AGBL4: variants seen among roughly 807,000 people sequenced by gnomAD.
The protein encoded by AGBL4 is cytosolic carboxypeptidase 6.
AGBL4 carries 58 observed loss-of-function variants against 66.4 expected under a neutral mutation model. The ratio of observed to expected loss-of-function variants is 0.87; its 90% CI spans 0.71 to 1.09. The LOEUF is 1.09. AGBL4 is among the 50% of genes least tolerant of loss of function. AGBL4 has a pLI of 0.00. For synonymous variants in AGBL4, 234 were observed against 222.9 expected (o/e 1.05, Z -0.44); for missense variants, 579 against 631.0 (o/e 0.92, Z 0.88).
chr1:49,803,962 G>C (rs914794143), intron 2 of AGBL4, among the ~76,000 whole-genome samples: 1 of 152,152 alleles, frequency 6.6e-6, no homozygotes, highest in African/African-American at 2.4e-5. Context: ...AAGATGTGTG[G>C]TTTAAATTCA....
chr1:48,587,175 G>C lies in AGBL4; in HGVS notation c.1105-9C>G, dbSNP rs1451425870. The C allele has an allele frequency of 6.5e-7, 1 of 1,549,300 alleles. No individual in the cohort carries two copies. The highest frequency in any genetic ancestry group is 8.7e-7 in the Non-Finnish European group (1 of 1,145,804). ...TTAAAGGATGTGCTGGACTGTGAAA[G>C]ACAGAGTAGGGAGGAGAGAATCACG... On this transcript the variant is annotated splice_polypyrimidine_tract_variant and intron_variant, in intron 10 of 13. Coordinates refer to ENST00000371839, the MANE Select transcript of AGBL4 (RefSeq NM_032785.4).
At chr1:48,537,274 T>C (rs1387075535) in intron 12 of AGBL4, among the ~76,000 whole-genome samples, 1 of 152,016 alleles carries the variant, frequency 6.6e-6, no homozygotes, top group Non-Finnish European at 1.5e-5. Context: ...AGGGAGGAGG[T>C]TATTAAGTTT....
intron 1 of AGBL4, among the ~76,000 whole-genome samples, chr1:49,875,969 C>G (rs1322209703): frequency 6.9e-6 from 1 of 145,974 alleles, no homozygotes; most frequent in African/African-American, 2.5e-5. Context: ...TGAGAAGTGT[C>G]TGTTCATGTC....
chr1:49,696,129 G>A (rs1646978935), intron 3 of AGBL4, among the ~76,000 whole-genome samples: 1 of 152,152 alleles, frequency 6.6e-6, no homozygotes, highest in South Asian at 2.1e-4. Context: ...GAAGGTAGAT[G>A]TTGGATTGCA....
chr1:48,843,511 A>G (rs1329812060), intron 6 of AGBL4, among the ~76,000 whole-genome samples: 1 of 152,132 alleles, frequency 6.6e-6, no homozygotes, highest in Non-Finnish European at 1.5e-5. Flanking sequence ...AATGGTTTTC[A>G]TATTTTCGAA....
intron 4 of AGBL4, among the ~76,000 whole-genome samples, chr1:49,094,948 C>G (rs1431104143): frequency 1.3e-5 from 2 of 152,016 alleles, no homozygotes; most frequent in Non-Finnish European, 2.9e-5. Flanking sequence ...TCATCTCAGC[C>G]CAAAATCTCC....
At chr1:48,761,490 A>T (rs755758094) in intron 6 of AGBL4, 1 of 1,547,052 alleles carries the variant, frequency 6.5e-7, no homozygotes. Flanking sequence ...ATATCAAGAG[A>T]ACAAGGTTCA....
intron 1 of AGBL4, among the ~76,000 whole-genome samples, chr1:49,920,349 G>C (rs946885831): frequency 6.6e-6 from 1 of 152,138 alleles, no homozygotes; most frequent in Non-Finnish European, 1.5e-5. Context: ...ATCTGACAAA[G>C]GGCTAATATC....
At chr1:48,669,301 C>T (rs773721161) in intron 6 of AGBL4, among the ~76,000 whole-genome samples, 22 of 152,174 alleles carry the variant, frequency 1.4e-4, no homozygotes, top group Non-Finnish European at 2.2e-4. Flanking sequence ...TAGCAGGTGC[C>T]ATTTACTGAG....
At chr1:49,280,125 T>C (rs1218788624) in intron 3 of AGBL4, among the ~76,000 whole-genome samples, 2 of 152,160 alleles carry the variant, frequency 1.3e-5, no homozygotes, top group African/African-American at 4.8e-5. Flanking sequence ...GCTACTACTG[T>C]GGCCCCACCT....
chr1:49,546,086 G>A (rs189058491), intron 3 of AGBL4, among the ~76,000 whole-genome samples: 35 of 151,972 alleles, frequency 2.3e-4, no homozygotes, highest in South Asian at 8.3e-4. Context: ...ATGCCTTTGC[G>A]TCCTCATAGC....
intron 4 of AGBL4, among the ~76,000 whole-genome samples, chr1:49,170,366 C>T (rs1646715068): frequency 7.1e-6 from 1 of 141,178 alleles, no homozygotes; most frequent in South Asian, 2.2e-4. Flanking sequence ...TTGTCTCACT[C>T]TTGGTTCCAT....
intron 2 of AGBL4, among the ~76,000 whole-genome samples, chr1:49,776,190 T>C (rs1050854466): frequency 2.0e-5 from 3 of 152,106 alleles, no homozygotes; most frequent in Non-Finnish European, 4.4e-5. Context: ...ATCAGCAATA[T>C]TTGACTTAGA....
intron 6 of AGBL4, chr1:48,742,687 T>C (rs1489269853): frequency 6.2e-7 from 1 of 1,611,618 alleles, no homozygotes; most frequent in Admixed American, 1.7e-5. Flanking sequence ...GGACGACGTA[T>C]TTGCTTCCTC....
chr1:49,290,222 A>G (rs2148424969), intron 3 of AGBL4, among the ~76,000 whole-genome samples: 1 of 152,318 alleles, frequency 6.6e-6, no homozygotes, highest in South Asian at 2.1e-4. Context: ...CCTCTCTTAT[A>G]AGTCTGCAGA....
intron 5 of AGBL4, among the ~76,000 whole-genome samples, chr1:48,958,238 T>A (rs546939210): frequency 1.3e-5 from 2 of 152,306 alleles, no homozygotes; most frequent in South Asian, 4.1e-4. Flanking sequence ...GCACATGCCA[T>A]GATGTTTCTA....
chr1:49,444,179 A>G (rs745558420), intron 3 of AGBL4, among the ~76,000 whole-genome samples: 68 of 152,170 alleles, frequency 4.5e-4, no homozygotes, highest in Admixed American at 1.7e-3. Flanking sequence ...GTGGCCTAAC[A>G]TATGGTCTAT....
intron 2 of AGBL4, among the ~76,000 whole-genome samples, chr1:49,833,111 G>A (rs975705928): frequency 4.6e-5 from 7 of 152,118 alleles, no homozygotes; most frequent in African/African-American, 1.7e-4. Context: ...TTCTTCTAGG[G>A]TTTTTATGGT....
intron 1 of AGBL4, among the ~76,000 whole-genome samples, chr1:50,007,381 A>C (rs1048652162): frequency 1.3e-5 from 2 of 152,218 alleles, no homozygotes; most frequent in Non-Finnish European, 2.9e-5. Context: ...AACAACATTG[A>C]ATATAAATGG....
Sources: gnomAD v4.1 joint callset for allele counts (sites outside exome capture counted in the v4.1 genomes callset) on GRCh38, gnomAD v4.1.1 for gene constraint, MANE v1.5 for transcripts, NCBI Gene and HGNC (gene_info 2026-07-23, HGNC 2026-07-21) for gene names.